LINGO2: variants seen among roughly 807,000 people sequenced by gnomAD.
LINGO2 encodes leucine-rich repeat and immunoglobulin-like domain-containing nogo receptor-interacting protein 2.
In LINGO2, 14 loss-of-function variants were observed where a neutral mutation model predicts 30.6. The ratio of observed to expected loss-of-function variants is 0.46; its 90% CI spans 0.30 to 0.72. The LOEUF is 0.72. LINGO2 is among the 30% of genes least tolerant of loss of function. The pLI is 0.07. For synonymous variants in LINGO2, 317 were observed against 288.5 expected (o/e 1.10, Z -1.00); for missense variants, 729 against 751.7 (o/e 0.97, Z 0.35).
the LINGO2 span, among the ~76,000 whole-genome samples, chr9:28,775,719 C>T: frequency 6.6e-6 from 1 of 152,132 alleles, no homozygotes; most frequent in African/African-American, 2.4e-5. Flanking sequence ...AAGAAATGTG[C>T]ATACTGATAA....
At chr9:28,952,408 C>T in the LINGO2 span, among the ~76,000 whole-genome samples, 15 of 152,114 alleles carry the variant, frequency 9.9e-5, no homozygotes, top group Admixed American at 2.0e-4. Context: ...TTCAAAATGG[C>T]TGCAATAATT....
intron 4 of LINGO2, among the ~76,000 whole-genome samples, chr9:28,231,055 T>A: frequency 6.6e-6 from 1 of 151,994 alleles, no homozygotes; most frequent in Middle Eastern, 3.4e-3. Context: ...ATGAATATAC[T>A]AATATATAAT....
chr9:28,400,364 T>G (rs192565932), intron 2 of LINGO2, among the ~76,000 whole-genome samples: 1 of 152,148 alleles, frequency 6.6e-6, no homozygotes, highest in African/African-American at 2.4e-5. Flanking sequence ...TATGAACACC[T>G]CTTTCCAGGT....
the LINGO2 span, among the ~76,000 whole-genome samples, chr9:28,677,047 T>C: frequency 6.6e-6 from 1 of 152,152 alleles, no homozygotes; most frequent in African/African-American, 2.4e-5. Context: ...GCTTTCCGTA[T>C]GCTAGGCACT....
At chr9:28,559,219 G>C (rs142686237) in intron 1 of LINGO2, among the ~76,000 whole-genome samples, 1 of 152,262 alleles carries the variant, frequency 6.6e-6, no homozygotes, top group Admixed American at 6.5e-5. Context: ...ACTCTCCAGA[G>C]AGGGACTTTT....
intron 3 of LINGO2, among the ~76,000 whole-genome samples, chr9:28,298,200 T>G (rs1823996229): frequency 6.6e-6 from 1 of 152,122 alleles, no homozygotes; most frequent in Admixed American, 6.6e-5. Flanking sequence ...GGCATAATTA[T>G]TATTTAAAAT....
the LINGO2 span, among the ~76,000 whole-genome samples, chr9:28,882,447 G>A: frequency 6.6e-6 from 1 of 152,132 alleles, no homozygotes; most frequent in African/African-American, 2.4e-5. Context: ...CTAGAACACT[G>A]TATGCATTTA....
chr9:28,853,309 T>C, the LINGO2 span, among the ~76,000 whole-genome samples: 39 of 152,162 alleles, frequency 2.6e-4, no homozygotes, highest in African/African-American at 7.7e-4. Flanking sequence ...TCTGCACTCA[T>C]ACAAACTTGA....
intron 3 of LINGO2, among the ~76,000 whole-genome samples, chr9:28,315,999 C>G (rs1441644263): frequency 6.6e-6 from 1 of 152,062 alleles, no homozygotes. Context: ...TGATTGTTGG[C>G]CAAGTCTCTA....
chr9:28,838,505 C>T, the LINGO2 span, among the ~76,000 whole-genome samples: 1 of 152,082 alleles, frequency 6.6e-6, no homozygotes, highest in African/African-American at 2.4e-5. Flanking sequence ...CCAAATATGT[C>T]CCAAAACCAA....
At chr9:27,995,903 G>C (rs1407109118) in intron 5 of LINGO2, among the ~76,000 whole-genome samples, 2 of 152,042 alleles carry the variant, frequency 1.3e-5, no homozygotes, top group Non-Finnish European at 2.9e-5. Context: ...GCATCCAAAT[G>C]GGAAAGAAGT....
intron 5 of LINGO2, among the ~76,000 whole-genome samples, chr9:27,967,331 G>T (rs1438918940): frequency 1.3e-5 from 2 of 152,016 alleles, no homozygotes; most frequent in African/African-American, 4.8e-5. Flanking sequence ...CATGAAAAAA[G>T]ATGAAGAGGA....
chr9:28,533,563 G>C (rs1821316636), intron 1 of LINGO2, among the ~76,000 whole-genome samples: 1 of 152,188 alleles, frequency 6.6e-6, no homozygotes, highest in Non-Finnish European at 1.5e-5. Flanking sequence ...ATGAAGTCAA[G>C]ATTCTCAAAC....
chr9:28,254,048 G>T (rs1347321940), intron 4 of LINGO2, among the ~76,000 whole-genome samples: 1 of 151,974 alleles, frequency 6.6e-6, no homozygotes, highest in Non-Finnish European at 1.5e-5. Context: ...CACCCTTCAA[G>T]GTGTCTGTGA....
chr9:28,371,647 G>T (rs1233166897), intron 3 of LINGO2, among the ~76,000 whole-genome samples: 15 of 152,146 alleles, frequency 9.9e-5, no homozygotes, highest in Non-Finnish European at 1.9e-4. Context: ...GCAGGGCTAC[G>T]CTGTACCTTT....
chr9:28,506,419 TATAC>T (rs1482043969), intron 1 of LINGO2, among the ~76,000 whole-genome samples: 2 of 3,348 alleles, frequency 6.0e-4, no homozygotes, highest in African/African-American at 1.0e-3. Flanking sequence ...TATATATATA[TATAC>T]ACACACACAC....
chr9:28,298,815 A>T (rs1157753332), intron 3 of LINGO2, among the ~76,000 whole-genome samples: 1 of 152,244 alleles, frequency 6.6e-6, no homozygotes, highest in Non-Finnish European at 1.5e-5. Context: ...CATGGCATAC[A>T]GAAGTGATTG....
intron 3 of LINGO2, among the ~76,000 whole-genome samples, chr9:28,354,760 T>G (rs1009608089): frequency 6.6e-6 from 1 of 152,178 alleles, no homozygotes; most frequent in Non-Finnish European, 1.5e-5. Flanking sequence ...CTACTGTATA[T>G]AAGTTCATAC....
the LINGO2 span, among the ~76,000 whole-genome samples, chr9:29,100,208 A>G: frequency 1.3e-5 from 2 of 152,196 alleles, no homozygotes; most frequent in Non-Finnish European, 2.9e-5. Context: ...TAGAGAATAG[A>G]AGGATGGTTA....
Sources: allele counts gnomAD v4.1 joint callset (sites outside exome capture counted in the v4.1 genomes callset), GRCh38; gene constraint gnomAD v4.1.1; transcripts MANE v1.5; gene names NCBI Gene and HGNC (gene_info 2026-07-23, HGNC 2026-07-21).